The following ANK1 variants were observed in gnomAD, a reference collection of about 807,000 sequenced individuals.
ANK1 encodes ankyrin-1.
ANK1 carries 51 observed loss-of-function variants against 210.4 expected under a neutral mutation model. The ratio of observed to expected loss-of-function variants is 0.24; its 90% CI spans 0.19 to 0.31. ANK1 has a LOEUF of 0.31. Among genes scored for constraint, ANK1 ranks in the 10% least tolerant of loss-of-function variants. The pLI is 1.00. For synonymous variants in ANK1, 967 were observed against 1,025.9 expected (o/e 0.94, Z 1.10); for missense variants, 2,051 against 2,504.4 (o/e 0.82, Z 3.86).
chr8:41,756,915 C>T (rs1839293408), intron 2 of ANK1, among the ~76,000 whole-genome samples: 1 of 152,134 alleles, frequency 6.6e-6, no homozygotes, highest in Admixed American at 6.5e-5. Flanking sequence ...AGACACTATG[C>T]TAAATAAAAG....
At chr8:41,662,821 T>C (rs1158453269) in intron 40 of ANK1, among the ~76,000 whole-genome samples, 4 of 152,034 alleles carry the variant, frequency 2.6e-5, no homozygotes, top group African/African-American at 9.7e-5. Context: ...TCCTCCTCTA[T>C]TTTACCCATA....
rs754584845 is a variant in ANK1, at chr8:41,715,092, G to A, written c.1603-18C>T. The A allele has an allele frequency of 6.2e-7, 1 of 1,613,160 alleles. No homozygotes were observed. The highest frequency in any genetic ancestry group is 1.1e-5 in the South Asian group (1 of 91,054). On this transcript the variant is annotated intron_variant, in intron 14 of 42. Coordinates refer to ENST00000289734, the MANE Select transcript of ANK1 (RefSeq NM_000037.4). The stretch of plus-strand genomic sequence containing the variant: ...AATCCTTTCTGAGGAGAAACAGGCT[G>A]TCAGGACCTTGGGGCCCCAGGGCTG...
At chr8:41,838,767 A>AAAGAATAATAAT (rs374459221) in intron 1 of ANK1, among the ~76,000 whole-genome samples, 3 of 140,512 alleles carry the variant, frequency 2.1e-5, no homozygotes, top group African/African-American at 2.7e-5. Context: ...TCCGTCTCAA[A>AAAGAATAATAAT]AATAATAATA....
At chr8:41,706,393 T>G in intron 17 of ANK1, 152 bp from the exon 18 acceptor site, 1 of 758,742 alleles carries the variant, frequency 1.3e-6, no homozygotes, top group Non-Finnish European at 2.2e-6. Context: ...TGGGCCCCAA[T>G]GTCCTTATCT....
intron 1 of ANK1, among the ~76,000 whole-genome samples, chr8:41,890,108 T>G (rs1331553773): frequency 6.6e-6 from 1 of 152,244 alleles, no homozygotes; most frequent in Non-Finnish European, 1.5e-5. Flanking sequence ...AATAACTTTA[T>G]GAACAATCAT....
rs527245673 is a variant in ANK1, at chr8:41,694,964, G to A, written c.3116-161C>T. Among the ~76,000 whole-genome samples, 1 of 152,296 alleles carries A rather than the reference G, an allele frequency of 6.6e-6. No individual in the cohort carries two copies. On this transcript the variant is annotated intron_variant, in intron 27 of 42. Coordinates refer to ENST00000289734, the MANE Select transcript of ANK1 (RefSeq NM_000037.4). The surrounding 1 kb of genome is among the most constrained non-coding windows in gnomAD (Gnocchi z 5.7). ...AAGAAGTGGCCAGAAGAAGTGCCCA[G>A]GCCCAGAGGCCCAGCAGAGCAGATG...
At chr8:41,761,365 C>CTG (rs1352431283) in intron 1 of ANK1, among the ~76,000 whole-genome samples, 2 of 58,674 alleles carry the variant, frequency 3.4e-5, no homozygotes, top group East Asian at 8.3e-4. Flanking sequence ...ATACAGAGAC[C>CTG]TGTGTGCACA....
At chr8:41,798,903 G>T (rs985250797), upstream of ANK1, among the ~76,000 whole-genome samples, 2 of 152,094 alleles carry the variant, frequency 1.3e-5, no homozygotes. Flanking sequence ...GAGCTTTCCC[G>T]CAGCACCAAA....
chr8:41,820,882 G>A (rs187994718), intron 1 of ANK1, among the ~76,000 whole-genome samples: 96 of 152,342 alleles, frequency 6.3e-4, no homozygotes, highest in African/African-American at 2.2e-3. Flanking sequence ...CTGCAGAGAG[G>A]TGGTGACCAC....
At chr8:41,790,009 G>T (rs1000358737) in intron 1 of ANK1, among the ~76,000 whole-genome samples, 2 of 152,196 alleles carry the variant, frequency 1.3e-5, no homozygotes, top group Admixed American at 1.3e-4. Context: ...TTTGTGAAGA[G>T]GGTGTTCAGA....
At chr8:41,795,545 A>G (rs1230526753) in intron 1 of ANK1, among the ~76,000 whole-genome samples, 1 of 151,996 alleles carries the variant, frequency 6.6e-6, no homozygotes, top group African/African-American at 2.4e-5. Flanking sequence ...AAATAAATAT[A>G]AAAACTAATT....
intron 1 of ANK1, among the ~76,000 whole-genome samples, chr8:41,869,835 G>T (rs2150824137): frequency 6.6e-6 from 1 of 152,310 alleles, no homozygotes; most frequent in South Asian, 2.1e-4. Context: ...ACTGGGGCTT[G>T]CTTATATTTT....
At chr8:41,695,118 G>A in intron 27 of ANK1, 59 bp downstream of exon 27, 1 of 1,607,922 alleles carries the variant, frequency 6.2e-7, no homozygotes, top group South Asian at 1.1e-5. Context: ...CCTTTAAGGT[G>A]CAACTCAAAC....
intron 36 of ANK1, among the ~76,000 whole-genome samples, chr8:41,685,632 C>T (rs111864192): frequency 2.1e-4 from 25 of 119,892 alleles, no homozygotes; most frequent in Non-Finnish European, 3.5e-4. Context: ...AGTCCTGATG[C>T]AATTTTTATG....
chr8:41,826,231 A>G (rs745379284), intron 1 of ANK1, among the ~76,000 whole-genome samples: 1 of 152,130 alleles, frequency 6.6e-6, no homozygotes, highest in Non-Finnish European at 1.5e-5. Flanking sequence ...ATTTTTCTAG[A>G]AAAGGCTACT....
intron 1 of ANK1, among the ~76,000 whole-genome samples, chr8:41,883,881 G>A (rs755082888): frequency 1.3e-5 from 2 of 152,184 alleles, no homozygotes; most frequent in East Asian, 1.9e-4. Context: ...CTCTGTTGTC[G>A]AGGGCAGGTT....
intron 1 of ANK1, among the ~76,000 whole-genome samples, chr8:41,888,831 G>A (rs543832090): frequency 1.3e-4 from 20 of 152,260 alleles, no homozygotes; most frequent in Admixed American, 3.3e-4. Context: ...GCCCGGCGAC[G>A]GAGTCCTCAG....
intron 1 of ANK1, among the ~76,000 whole-genome samples, chr8:41,813,451 T>C (rs1802802476): frequency 6.6e-6 from 1 of 152,174 alleles, no homozygotes; most frequent in Admixed American, 6.5e-5. Flanking sequence ...AAGGCCAGAA[T>C]ATAATAACAG....
intron 1 of ANK1, among the ~76,000 whole-genome samples, chr8:41,786,654 C>G (rs982187160): frequency 1.3e-5 from 2 of 152,202 alleles, no homozygotes; most frequent in Admixed American, 1.3e-4. Context: ...CCCAGCCCAG[C>G]ACTCACCACC....
Sources: gnomAD v4.1 joint callset for allele counts (sites outside exome capture counted in the v4.1 genomes callset) on GRCh38, gnomAD v4.1.1 for gene constraint, Gnocchi (gnomAD v3.1) non-coding constraint, MANE v1.5 for transcripts, NCBI Gene and HGNC (gene_info 2026-07-23, HGNC 2026-07-21) for gene names.